LRMDA: variants seen among roughly 807,000 people sequenced by gnomAD.
The protein encoded by LRMDA is leucine-rich melanocyte differentiation-associated protein.
A neutral mutation model predicts 29.8 loss-of-function variants in LRMDA; 18 were observed. The observed-to-expected ratio is 0.60, with a 90% CI of 0.42 to 0.90. The LOEUF (loss-of-function observed/expected upper bound fraction) is 0.90, where lower values mean the gene tolerates loss of function less well. LRMDA is among the 40% of genes least tolerant of loss of function. The pLI, the probability that LRMDA is intolerant of heterozygous loss-of-function variation, is 0.00. For missense variants in LRMDA, 273 were observed against 273.9 expected, an observed-to-expected ratio of 1.00 and a Z score of 0.02; for synonymous variants, 125 against 109.4, an observed-to-expected ratio of 1.14 and a Z score of -0.89.
At chr10:75,763,045 CT>C (rs1443643025) in intron 2 of LRMDA, among the ~76,000 whole-genome samples, 1 of 152,142 alleles carries the variant, frequency 6.6e-6, no homozygotes, top group Non-Finnish European at 1.5e-5. Context: ...TACATTATCC[CT>C]TTTTTCATGT....
At chr10:76,123,034 C>T in intron 5 of LRMDA, among the ~76,000 whole-genome samples, 1 of 150,844 alleles carries the variant, frequency 6.6e-6, no homozygotes, top group Non-Finnish European at 1.5e-5. Context: ...GAAAAATGTG[C>T]TCTCCTCATG....
chr10:75,654,340 C>T (rs1462312138), intron 2 of LRMDA, among the ~76,000 whole-genome samples: 1 of 152,112 alleles, frequency 6.6e-6, no homozygotes, highest in Non-Finnish European at 1.5e-5. Context: ...AGATAATGCT[C>T]ATCAATCTAC....
intron 6 of LRMDA, among the ~76,000 whole-genome samples, chr10:76,396,962 A>G (rs1841791738): frequency 6.6e-6 from 1 of 151,966 alleles, no homozygotes; most frequent in African/African-American, 2.4e-5. Context: ...ACGCAACTCT[A>G]CTCACCCAGA....
At chr10:76,270,104 T>G (rs1020311329) in intron 5 of LRMDA, 5 of 152,222 alleles carry the variant, frequency 3.3e-5, no homozygotes. Flanking sequence ...AATACAGCAG[T>G]GAAGATGACC....
chr10:76,362,582 T>G (rs552696996), intron 6 of LRMDA, among the ~76,000 whole-genome samples: 1 of 152,338 alleles, frequency 6.6e-6, no homozygotes, highest in South Asian at 2.1e-4. Context: ...TGTTTTAGAT[T>G]CAGGGGGTAC....
chr10:75,509,722 A>G (rs1411870672), intron 2 of LRMDA, among the ~76,000 whole-genome samples: 2 of 152,220 alleles, frequency 1.3e-5, no homozygotes, highest in Admixed American at 6.5e-5. Flanking sequence ...TCTTTTGGTC[A>G]GGAGACACTG....
At chr10:75,647,657 T>C (rs1351684892) in intron 2 of LRMDA, 3 of 152,232 alleles carry the variant, frequency 2.0e-5, no homozygotes, top group Non-Finnish European at 4.4e-5. Context: ...TGGTCAAGAC[T>C]CTTAATTGCA....
intron 2 of LRMDA, among the ~76,000 whole-genome samples, chr10:75,564,709 C>A (rs1363421225): frequency 6.6e-6 from 1 of 152,180 alleles, no homozygotes; most frequent in Admixed American, 6.5e-5. Context: ...TTAAAATAAA[C>A]CTGTTGTCTT....
intron 5 of LRMDA, among the ~76,000 whole-genome samples, chr10:76,223,690 C>T (rs1564691420): frequency 1.3e-5 from 2 of 152,086 alleles, no homozygotes; most frequent in East Asian, 1.9e-4. Flanking sequence ...AGAGAGGGCT[C>T]CCACCAGAAC....
At chr10:75,551,162 C>CTTT (rs71307703) in intron 2 of LRMDA, among the ~76,000 whole-genome samples, 12 of 136,236 alleles carry the variant, frequency 8.8e-5, no homozygotes, top group African/African-American at 2.7e-4. Flanking sequence ...AGTCAGCTAT[C>CTTT]TTTTTTTTTT....
chr10:75,619,451 C>A (rs1841151763), intron 2 of LRMDA, among the ~76,000 whole-genome samples: 1 of 152,118 alleles, frequency 6.6e-6, no homozygotes, highest in Admixed American at 6.5e-5. Context: ...GTACACACTG[C>A]TGATTTTAAT....
At chr10:76,375,659 T>C (rs1345708842) in intron 6 of LRMDA, among the ~76,000 whole-genome samples, 1 of 151,722 alleles carries the variant, frequency 6.6e-6, no homozygotes, top group African/African-American at 2.4e-5. Flanking sequence ...AGCTAGAAAT[T>C]AATCCCTACA....
At position 76,101,097 on chromosome 10, in the gene LRMDA, T is replaced by A. The variant is rs569374005; in HGVS notation, c.516+42314T>A. Among the ~76,000 whole-genome samples the A allele has an allele frequency of 1.9e-3, 287 of 152,354 alleles. 1 individual carries two copies. Among genetic ancestry groups the A allele is most frequent in the African/African-American group, 6.7e-3 (279 of 41,584 alleles). On this transcript the variant is annotated intron_variant, in intron 5 of 6. Coordinates refer to ENST00000611255, the MANE Select transcript of LRMDA (RefSeq NM_001305581.2). ...TACAAATTATCCAGCTCTTTTTTTT[T>A]ATTGCATGAGTGATATTCTCTCCAG...
At chr10:75,978,985 T>C (rs1388279521) in intron 2 of LRMDA, among the ~76,000 whole-genome samples, 3 of 152,194 alleles carry the variant, frequency 2.0e-5, no homozygotes, top group Admixed American at 6.5e-5. Context: ...CTGCCACTTA[T>C]TGGCCAAATG....
intron 6 of LRMDA, among the ~76,000 whole-genome samples, chr10:76,416,264 A>G (rs896124896): frequency 1.3e-5 from 2 of 152,210 alleles, no homozygotes; most frequent in Admixed American, 6.5e-5. Flanking sequence ...GTGGAGGGAA[A>G]TGGAGTGCCA....
chr10:76,541,874 T>C (rs1476666421), intron 6 of LRMDA, among the ~76,000 whole-genome samples: 1 of 152,192 alleles, frequency 6.6e-6, no homozygotes, highest in Non-Finnish European at 1.5e-5. Context: ...AGGTTAATAG[T>C]CATCTTTTTT....
rs574332163 is a variant in LRMDA at position 75,816,696 on chromosome 10, G to A, written c.132-219312G>A. ...TCAATGTTGTTTAAGCAAAAAGCAG[G>A]ATTTGTTAAAACAATGTAAAATATA... On this transcript the variant is annotated intron_variant, in intron 2 of 6. Coordinates refer to ENST00000611255, the MANE Select transcript of LRMDA (RefSeq NM_001305581.2). 2.3e-3 allele frequency among the ~76,000 whole-genome samples: 343 copies of A among 152,284 alleles called. 1 individual carries two copies. Among genetic ancestry groups the A allele is most frequent in the African/African-American group, 6.2e-3 (257 of 41,544 alleles).
In LRMDA at chr10:75,432,465, G is replaced by A. The variant is rs561319476; in HGVS notation, c.30+711G>A. 8.5e-5 allele frequency among the ~76,000 whole-genome samples: 13 copies of A among 152,332 alleles called. No homozygotes were observed. In the East Asian group the frequency reaches 2.5e-3, roughly 29 times the overall value. On this transcript the variant is annotated intron_variant, in intron 1 of 6. Transcript: ENST00000611255. ...CTTTGAGCTCTGTAGTGAAGCCTCA[G>A]GTGTTCATTGTTGGAGGGATGAACC...
Position 76,558,529 on chromosome 10 carries a change from T to C in LRMDA, c.*1241T>C, listed in dbSNP as rs1208031024. 6.6e-6 allele frequency: 1 copy of C among 152,222 alleles called. No individual in the cohort carries two copies. Among genetic ancestry groups the C allele is most frequent in the Non-Finnish European group, 1.5e-5 (1 of 68,060 alleles). 9.4% of individuals were successfully genotyped at this position (152,222 alleles called of 1,614,324 possible). On this transcript the variant is annotated 3_prime_UTR_variant, in exon 7 of 7. Transcript: ENST00000611255. The stretch of plus-strand genomic sequence containing the variant: ...CCAGTCAAATCACTCTAGAAGATGT[T>C]CAAAAGGTTGATTGATTGTTCTTGA...
Sources: allele counts gnomAD v4.1 joint callset (sites outside exome capture counted in the v4.1 genomes callset), GRCh38; gene constraint gnomAD v4.1.1; transcripts MANE v1.5; gene names NCBI Gene and HGNC (gene_info 2026-07-23, HGNC 2026-07-21).